The following EDNRA variants were observed in gnomAD, a reference collection of about 807,000 sequenced individuals.
EDNRA encodes the protein endothelin-1 receptor.
Under a neutral mutation model 41.4 loss-of-function variants are expected in EDNRA, and 11 were observed. The observed-to-expected ratio is 0.27, with a 90% CI of 0.17 to 0.44. The LOEUF (loss-of-function observed/expected upper bound fraction) is 0.44. EDNRA is among the 20% of genes least tolerant of loss of function. The pLI is 1.00. For synonymous variants in EDNRA, 172 were observed against 183.0 expected (o/e 0.94, Z 0.49); for missense variants, 294 against 531.0 (o/e 0.55, Z 4.39).
intron 3 of EDNRA, among the ~76,000 whole-genome samples, chr4:147,529,464 G>C (rs946698715): frequency 1.3e-5 from 2 of 152,178 alleles, no homozygotes; most frequent in Admixed American, 1.3e-4. Context: ...TAAGCCCTCA[G>C]ACAAATCCAA....
At chr4:147,485,125 A>G (rs913164973) in intron 1 of EDNRA, among the ~76,000 whole-genome samples, 2 of 148,886 alleles carry the variant, frequency 1.3e-5, no homozygotes, top group Non-Finnish European at 3.0e-5. Context: ...TCAACTCTTG[A>G]AGATTTTTGT....
intron 2 of EDNRA, chr4:147,492,793 G>C (rs1296684873): frequency 4.6e-5 from 7 of 152,026 alleles, no homozygotes; most frequent in African/African-American, 7.2e-5. Context: ...ATGACAGAGT[G>C]ACAAATTTAT....
At chr4:147,524,812 AGAAT>A (rs1383103984) in intron 3 of EDNRA, among the ~76,000 whole-genome samples, 1 of 152,226 alleles carries the variant, frequency 6.6e-6, no homozygotes, top group African/African-American at 2.4e-5. Flanking sequence ...TTCACACGAG[AGAAT>A]GAATCATTCA....
At chr4:147,538,569 T>C (rs1025574833) in intron 5 of EDNRA, among the ~76,000 whole-genome samples, 1 of 152,174 alleles carries the variant, frequency 6.6e-6, no homozygotes, top group East Asian at 1.9e-4. Flanking sequence ...CCTAATACAC[T>C]GCTTTTCTAT....
At chr4:147,504,019 C>G (rs1729603940) in intron 2 of EDNRA, among the ~76,000 whole-genome samples, 1 of 151,984 alleles carries the variant, frequency 6.6e-6, no homozygotes, top group Non-Finnish European at 1.5e-5. Flanking sequence ...TTTTACAAAT[C>G]TGTTTATTTA....
chr4:147,509,054 T>C lies in EDNRA; in HGVS notation c.421-10797T>C, dbSNP rs182430071. On this transcript the variant is annotated intron_variant, in intron 2 of 7. Coordinates refer to ENST00000651419, the MANE Select transcript of EDNRA (RefSeq NM_001957.4). ...ATTGCCATCTTAATAATATCAATTC[T>C]TCTTTTGTTATATGTATTCTCAACT... Among the ~76,000 whole-genome samples, 16 of 152,354 alleles carry C rather than the reference T, an allele frequency of 1.1e-4. No individual in the cohort carries two copies. The East Asian group carries it at 3.1e-3, about 29-fold the overall frequency.
intron 6 of EDNRA, among the ~76,000 whole-genome samples, chr4:147,540,171 T>G (rs1731050409): frequency 6.6e-6 from 1 of 152,170 alleles, no homozygotes. Context: ...GCATAAGGGT[T>G]TGAGCTAACC....
intron 1 of EDNRA, among the ~76,000 whole-genome samples, chr4:147,481,665 C>T (rs555771931): frequency 9.8e-5 from 15 of 152,326 alleles, no homozygotes; most frequent in African/African-American, 3.4e-4. Context: ...GAAGAGGAAG[C>T]CCAATAGTTT....
intron 1 of EDNRA, among the ~76,000 whole-genome samples, chr4:147,481,588 T>C (rs1319717092): frequency 6.6e-6 from 1 of 152,240 alleles, no homozygotes; most frequent in African/African-American, 2.4e-5. Context: ...AGGGGTGCGC[T>C]GCGGACACGT....
intron 2 of EDNRA, chr4:147,506,221 A>G (rs1388516719): frequency 1.9e-5 from 10 of 521,472 alleles, no homozygotes; most frequent in Non-Finnish European, 3.9e-5. Context: ...GCAAATATTC[A>G]TGATATTGGC....
chr4:147,536,787 C>T (rs1445415197), intron 5 of EDNRA, among the ~76,000 whole-genome samples: 1 of 152,076 alleles, frequency 6.6e-6, no homozygotes, highest in East Asian at 1.9e-4. Flanking sequence ...AATGTTGGTC[C>T]CTCCTGGGTG....
chr4:147,512,255 C>G (rs905117161), intron 2 of EDNRA, among the ~76,000 whole-genome samples: 1 of 152,206 alleles, frequency 6.6e-6, no homozygotes, highest in Non-Finnish European at 1.5e-5. Flanking sequence ...CTTCAGGTGA[C>G]TGAGATTCTC....
chr4:147,536,404 T>C (rs147432939), intron 5 of EDNRA, among the ~76,000 whole-genome samples: 313 of 152,278 alleles, frequency 2.1e-3, no homozygotes, highest in Non-Finnish European at 3.8e-3. Flanking sequence ...AAAATATGCA[T>C]GCAAAACAAC....
intron 2 of EDNRA, chr4:147,488,203 G>A (rs1361974043): frequency 6.6e-6 from 1 of 152,156 alleles, no homozygotes; most frequent in Non-Finnish European, 1.5e-5. Flanking sequence ...CAGCTTCTTA[G>A]CCAATCAATA....
chr4:147,542,323 T>G (rs1731132680), intron 7 of EDNRA, among the ~76,000 whole-genome samples, 155 bp from the exon 8 acceptor site: 1 of 152,246 alleles, frequency 6.6e-6, no homozygotes, highest in Non-Finnish European at 1.5e-5. Flanking sequence ...TCCTGCCTGG[T>G]GATAACAGGC....
intron 2 of EDNRA, among the ~76,000 whole-genome samples, chr4:147,509,389 A>G (rs1410853329): frequency 5.9e-5 from 9 of 152,214 alleles, no homozygotes; most frequent in Non-Finnish European, 5.9e-5. Flanking sequence ...GTAATCTCTG[A>G]GTGTTATTTT....
At chr4:147,520,422 G>T (rs1327331747) in intron 3 of EDNRA, 1 of 519,092 alleles carries the variant, frequency 1.9e-6, no homozygotes. Flanking sequence ...CTTTTTGAAA[G>T]ACTGAAATGT....
At chr4:147,524,117 T>G (rs552769731) in intron 3 of EDNRA, among the ~76,000 whole-genome samples, 1 of 151,950 alleles carries the variant, frequency 6.6e-6, no homozygotes, top group South Asian at 2.1e-4. Context: ...TATTTTAAGA[T>G]ATAGTATTTT....
chr4:147,497,635 G>A (rs928689126), intron 2 of EDNRA, among the ~76,000 whole-genome samples: 6 of 151,762 alleles, frequency 4.0e-5, no homozygotes, highest in African/African-American at 1.2e-4. Context: ...GCAGTGGCGC[G>A]ATCTTGGCTC....
Sources: gnomAD v4.1 joint callset for allele counts (sites outside exome capture counted in the v4.1 genomes callset) on GRCh38, gnomAD v4.1.1 for gene constraint, MANE v1.5 for transcripts, NCBI Gene and HGNC (gene_info 2026-07-23, HGNC 2026-07-21) for gene names.